PDS5A: variants seen among roughly 807,000 people sequenced by gnomAD.
PDS5A encodes PDS5 cohesin associated factor A, also known as sister chromatid cohesion protein PDS5 homolog A.
In PDS5A, 42 loss-of-function variants were observed where a neutral mutation model predicts 167.1. The ratio of observed to expected loss-of-function variants is 0.25; its 90% confidence interval spans 0.20 to 0.33. PDS5A has a LOEUF of 0.33. PDS5A is among the 10% of genes least tolerant of loss of function. PDS5A has a pLI of 1.00. For missense variants in PDS5A, 1,033 were observed against 1,605.9 expected (o/e 0.64, Z 6.10); for synonymous variants, 553 against 554.6 (o/e 1.00, Z 0.04).
In PDS5A at chr4:39,890,229, G is replaced by A. The variant is rs1026605381; in HGVS notation, c.1886+20C>T. 34 of 1,261,234 alleles carry A rather than the reference G, an allele frequency of 2.7e-5. No homozygotes were observed. Among genetic ancestry groups the A allele is most frequent in the Admixed American group, 8.5e-5 (4 of 46,844 alleles). The allele number at this position is 1,261,234 out of a possible 1,614,324, so 78.1% of individuals were successfully genotyped here. On this transcript the variant is annotated intron_variant, in intron 17 of 32. Transcript: ENST00000303538. ...TGCAGATTATTATTTATTTTTGAGC[G>A]AATATACTTCTTGGCTTACCTTATG...
intron 16 of PDS5A, among the ~76,000 whole-genome samples, chr4:39,892,200 G>C (rs1312663062): frequency 2.0e-5 from 3 of 152,214 alleles, no homozygotes. Flanking sequence ...AGCACTTTGG[G>C]AGGCCGAGGT....
At chr4:39,826,124 C>T (rs550930770) in intron 32 of PDS5A, among the ~76,000 whole-genome samples, 1 of 151,772 alleles carries the variant, frequency 6.6e-6, no homozygotes, top group East Asian at 1.9e-4. Context: ...ACTTCTGACT[C>T]ATGAGCTGGG....
intron 14 of PDS5A, 107 bp downstream of exon 14, chr4:39,900,319 A>G (rs1256035060): frequency 7.4e-6 from 5 of 676,938 alleles, no homozygotes; most frequent in Non-Finnish European, 1.3e-5. Flanking sequence ...TGACATTTGG[A>G]AAATAAAACA....
Position 39,977,598 on chromosome 4 carries a change from G to A in PDS5A, c.-182C>T, listed in dbSNP as rs1057281801. ...CGCCGCCGCCCGCCCGCCCGGGAGC[G>A]GCGCTGGGGCTGGCGGTGCCGAGGA... On this transcript the variant is annotated 5_prime_UTR_variant, in exon 1 of 33. Coordinates refer to ENST00000303538, the MANE Select transcript of PDS5A (RefSeq NM_001100399.2). This position sits in a 1 kb window ranked among gnomAD's most constrained non-coding sequence, Gnocchi z 4.2. 5.0e-5 allele frequency: 8 copies of A among 159,142 alleles called. No homozygotes were observed. The South Asian group carries it at 1.2e-3, about 24-fold the overall frequency. 9.9% of individuals were successfully genotyped at this position (159,142 alleles called of 1,614,324 possible). A position where few individuals can be genotyped will look rare whatever the true frequency, so the allele number is the denominator to read the frequency against.
At chr4:39,908,614 G>A in intron 10 of PDS5A, 74 bp from the exon 11 acceptor site, 1 of 897,630 alleles carries the variant, frequency 1.1e-6, no homozygotes, top group Non-Finnish European at 1.8e-6. Flanking sequence ...GGCAAGAACA[G>A]AAATATGTTA....
chr4:39,941,850 G>A (rs1727252579), intron 2 of PDS5A, among the ~76,000 whole-genome samples: 1 of 152,284 alleles, frequency 6.6e-6, no homozygotes, highest in South Asian at 2.1e-4. Context: ...GAGGCCAAGA[G>A]TTCAAGTTCA....
rs1435512458 is a variant in PDS5A at position 39,855,092 on chromosome 4, T to C, written c.3087-5440A>G. On this transcript the variant is annotated intron_variant, in intron 26 of 32. Transcript: ENST00000303538. The stretch of plus-strand genomic sequence containing the variant: ...ATATCAATTGCAACAACAAAACAAC[T>C]ATTAAGCTGGAAAAAAACAATCATA... 2.6e-5 allele frequency among the ~76,000 whole-genome samples: 4 copies of C among 152,176 alleles called. No homozygotes were observed. The East Asian group carries it at 7.7e-4, about 29-fold the overall frequency.
At chr4:39,945,968 G>A (rs1384049627) in intron 2 of PDS5A, among the ~76,000 whole-genome samples, 4 of 151,778 alleles carry the variant, frequency 2.6e-5, no homozygotes, top group African/African-American at 7.3e-5. Flanking sequence ...TTGGGAGGCC[G>A]TGGAGGGAGG....
chr4:39,964,521 T>C (rs1729791812), intron 2 of PDS5A, among the ~76,000 whole-genome samples: 1 of 152,090 alleles, frequency 6.6e-6, no homozygotes, highest in South Asian at 2.1e-4. Flanking sequence ...CTGATCAACG[T>C]AGAGCGACCC....
rs1023754002 is a variant in PDS5A, at chr4:39,877,247, C to A, written c.1993-94G>T. ...CGCAAAAGAAAAAAAAAATTAAATT[C>A]TGGGGTAAATATGCTAGCTACACAG... On this transcript the variant is annotated intron_variant, in intron 18 of 32. Coordinates refer to ENST00000303538, the MANE Select transcript of PDS5A (RefSeq NM_001100399.2). 2.6e-5 allele frequency: 20 copies of A among 773,432 alleles called. No homozygotes were observed. In the African/African-American group the frequency reaches 3.2e-4, roughly 12 times the overall value. The allele number at this position is 773,432 out of a possible 1,614,324, so 47.9% of individuals were successfully genotyped here.
At chr4:39,870,964 A>ATT (rs1244894469) in intron 21 of PDS5A, among the ~76,000 whole-genome samples, 1 of 152,234 alleles carries the variant, frequency 6.6e-6, no homozygotes, top group East Asian at 1.9e-4. Flanking sequence ...AAAAATATAC[A>ATT]TATAAAAGAA....
intron 2 of PDS5A, among the ~76,000 whole-genome samples, chr4:39,959,392 T>C (rs1405322076): frequency 6.6e-6 from 1 of 152,118 alleles, no homozygotes; most frequent in Non-Finnish European, 1.5e-5. Context: ...CTCACTGTCG[T>C]CTAGGCTGGA....
chr4:39,826,473 T>TTTTTTTTATTTATTTATTTA (rs112223808), intron 32 of PDS5A, among the ~76,000 whole-genome samples: 18 of 143,802 alleles, frequency 1.3e-4, no homozygotes, highest in African/African-American at 2.8e-4. Context: ...CATTCCACAT[T>TTTTTTTTATTTATTTATTTA]TTTATTTATT....
rs1218782250 is a variant in PDS5A, at chr4:39,823,554, G to C, written c.*1931C>G. Reference sequence around the variant, plus strand: ...GTTGGTGACACACTGGAAACCTTAGGAATCAAGTTGTCTGATGCTAAGAGA... The same window carrying C: ...GTTGGTGACACACTGGAAACCTTAGCAATCAAGTTGTCTGATGCTAAGAGA... On this transcript the variant is annotated 3_prime_UTR_variant, in exon 33 of 33. Transcript: ENST00000303538. The C allele has an allele frequency of 6.6e-6, 1 of 152,576 alleles. No individual in the cohort carries two copies. The highest frequency in any genetic ancestry group is 6.5e-5 in the Admixed American group (1 of 15,270). 9.5% of individuals were successfully genotyped at this position (152,576 alleles called of 1,614,324 possible). A position where few individuals can be genotyped will look rare whatever the true frequency, so the allele number is the denominator to read the frequency against.
chr4:39,974,230 T>C (rs1025355782), intron 2 of PDS5A: 11 of 563,132 alleles, frequency 2.0e-5, no homozygotes, highest in African/African-American at 1.9e-4. Context: ...CATTCCAATA[T>C]GCCAGGTGCT....
At chr4:39,844,528 T>G (rs1407716469) in intron 30 of PDS5A, 128 bp downstream of exon 30, 3 of 650,348 alleles carry the variant, frequency 4.6e-6, no homozygotes, top group Non-Finnish European at 7.6e-6. Context: ...ATACTAAAAT[T>G]CATCAATATT....
At chr4:39,950,551 GGT>G (rs1164086541) in intron 2 of PDS5A, among the ~76,000 whole-genome samples, 1 of 152,080 alleles carries the variant, frequency 6.6e-6, no homozygotes, top group Admixed American at 6.6e-5. Context: ...TGGGCAACAT[GGT>G]GAAACCCCAT....
At chr4:39,888,287 G>A (rs1410292098) in intron 17 of PDS5A, among the ~76,000 whole-genome samples, 2 of 149,060 alleles carry the variant, frequency 1.3e-5, no homozygotes, top group African/African-American at 4.9e-5. Flanking sequence ...CAACAAGACA[G>A]GGAATAACGG....
At chr4:39,904,228 C>A (rs779789078) in intron 11 of PDS5A, 37 bp from the exon 12 acceptor site, 6 of 1,509,250 alleles carry the variant, frequency 4.0e-6, no homozygotes, top group Middle Eastern at 1.7e-4. Flanking sequence ...AGCAAGATAA[C>A]AAAACTCTGT....
Sources: allele counts gnomAD v4.1 joint callset (sites outside exome capture counted in the v4.1 genomes callset), GRCh38; gene constraint gnomAD v4.1.1; non-coding constraint Gnocchi (gnomAD v3.1); transcripts MANE v1.5; gene names NCBI Gene and HGNC (gene_info 2026-07-23, HGNC 2026-07-21).